Variants in TRIM42 observed in about 807,000 individuals in gnomAD.
TRIM42 encodes the protein tripartite motif containing 42.
In TRIM42, 59 loss-of-function variants were observed where a neutral mutation model predicts 64.9. The observed-to-expected ratio is 0.91, with a 90% confidence interval of 0.74 to 1.13. The LOEUF (loss-of-function observed/expected upper bound fraction) is 1.13. TRIM42 is among the 50% of genes most tolerant of loss of function. The pLI, the probability that TRIM42 is intolerant of heterozygous loss-of-function variation, is 0.00. For synonymous variants in TRIM42, 354 were observed against 346.3 expected, an observed-to-expected ratio of 1.02 and a Z score of -0.25; for missense variants, 878 against 929.5, an observed-to-expected ratio of 0.94 and a Z score of 0.72.
intron 1 of TRIM42, among the ~76,000 whole-genome samples, chr3:140,678,971 A>G (rs576127134): frequency 1.7e-3 from 259 of 152,320 alleles, no homozygotes; most frequent in Non-Finnish European, 3.2e-3. Flanking sequence ...AGGATCACAC[A>G]GCTGGAAAGA....
chr3:140,687,744 C>T lies in TRIM42; in HGVS notation c.1062C>T (p.Asp354=). Residue 354 remains aspartate (D), a synonymous_variant, in exon 3 of 5, where the codon GAC becomes GAT. Transcript: ENST00000286349. ...CAGTCCGATATGAAATTGATAATGA[C>T]CTAATGGAATTCAACATCTTAAAAA... The part of the protein sequence containing the change: ...FKAVRYEIDN[D]LMEFNILKNS... 6.2e-7 allele frequency: 1 copy of T among 1,612,208 alleles called. No homozygotes were observed. The highest frequency in any genetic ancestry group is 8.5e-7 in the Non-Finnish European group (1 of 1,179,422).
intron 3 of TRIM42, among the ~76,000 whole-genome samples, chr3:140,689,916 G>C (rs1449378877): frequency 1.3e-5 from 2 of 151,830 alleles, no homozygotes; most frequent in East Asian, 3.9e-4. Context: ...AGGATTGCTA[G>C]TATCTGCTCT....
chr3:140,680,624 C>T (rs984900397), intron 1 of TRIM42: 8 of 962,800 alleles, frequency 8.3e-6, no homozygotes, highest in Non-Finnish European at 9.9e-6. Flanking sequence ...TAAAGTCCAT[C>T]CAGGCACTAC....
intron 4 of TRIM42, among the ~76,000 whole-genome samples, chr3:140,693,067 T>C (rs1009117919): frequency 1.4e-4 from 21 of 152,224 alleles, no homozygotes. Context: ...ACCACAGCAC[T>C]TTGCATATAG....
intron 4 of TRIM42, among the ~76,000 whole-genome samples, chr3:140,692,562 C>CACACACACACACACAGAG (rs375439126): frequency 8.3e-4 from 95 of 114,184 alleles, no homozygotes; most frequent in African/African-American, 1.6e-3. Flanking sequence ...CACACACACA[C>CACACACACACACACAGAG]AGAGAGAGAT....
chr3:140,682,492 C>A lies in TRIM42; in HGVS notation c.372C>A (p.Ser124Arg). ...SSKTALRTGSSDTQVDEVKSI... is the reference protein window; with the variant it reads ...SSKTALRTGSRDTQVDEVKSI... Reference sequence around the variant, plus strand: ...AGACTGCCCTGCGCACTGGGAGCAGCGATACCCAGGTGGATGAAGTAAAGT... The same window carrying A: ...AGACTGCCCTGCGCACTGGGAGCAGAGATACCCAGGTGGATGAAGTAAAGT... The change falls in exon 2 of 5, where the codon AGC becomes AGA. Residue 124 changes from serine (S) to arginine (R), a missense_variant. Physicochemically the swap from Ser to Arg is moderately radical, Grantham distance 110 (BLOSUM62 -1). Coordinates refer to ENST00000286349, the MANE Select transcript of TRIM42 (RefSeq NM_152616.5). 5.0e-6 allele frequency: 8 copies of A among 1,614,044 alleles called. No homozygotes were observed. The highest frequency in any genetic ancestry group is 6.8e-6 in the Non-Finnish European group (8 of 1,179,954).
At chr3:140,695,074 G>C (rs1988814373) in intron 4 of TRIM42, among the ~76,000 whole-genome samples, 1 of 151,842 alleles carries the variant, frequency 6.6e-6, no homozygotes, top group South Asian at 2.1e-4. Context: ...GCAAAATCCT[G>C]TCTCTACTAA....
At chr3:140,694,091 C>T (rs563984571) in intron 4 of TRIM42, among the ~76,000 whole-genome samples, 3 of 152,330 alleles carry the variant, frequency 2.0e-5, no homozygotes, top group Non-Finnish European at 4.4e-5. Context: ...TTCCCCTGCA[C>T]CATGCTCAAA....
At chr3:140,679,232 A>G (rs770608166) in intron 1 of TRIM42, among the ~76,000 whole-genome samples, 37 of 152,190 alleles carry the variant, frequency 2.4e-4, no homozygotes, top group Non-Finnish European at 2.8e-4. Flanking sequence ...TAAATACCCC[A>G]TACATCCATG....
chr3:140,688,442 G>C lies in TRIM42; in HGVS notation c.1760G>C (p.Ser587Thr). 6.2e-7 allele frequency: 1 copy of C among 1,613,950 alleles called. No individual in the cohort carries two copies. The highest frequency in any genetic ancestry group is 8.5e-7 in the Non-Finnish European group (1 of 1,179,820). The stretch of plus-strand genomic sequence containing the variant: ...GCAGACAGCCAGTCTGTACAGAACA[G>C]CAGCAGCTTCCACAACTGGTACTCA... Reference protein sequence around the residue: ...AGADSQSVQNSSSFHNWYSFN... With the variant: ...AGADSQSVQNTSSFHNWYSFN... Residue 587 changes from serine to threonine, a missense_variant, in exon 3 of 5, where the codon AGC (serine) becomes ACC (threonine). Ser to Thr is a moderately conservative substitution (Grantham distance 58, BLOSUM62 1). Transcript: ENST00000286349.
At chr3:140,688,617 G>A (rs1157865147) in intron 3 of TRIM42, 75 bp downstream of exon 3, 1 of 1,232,428 alleles carries the variant, frequency 8.1e-7, no homozygotes, top group Non-Finnish European at 1.1e-6. Context: ...GTCAGGAAAG[G>A]TTGCACTTAC....
At position 140,678,491 on chromosome 3, in the gene TRIM42, T is replaced by C; in HGVS notation, c.262T>C (p.Cys88Arg). 1 of 1,614,198 alleles carries C rather than the reference T, an allele frequency of 6.2e-7. No individual in the cohort carries two copies. Among genetic ancestry groups the C allele is most frequent in the Non-Finnish European group, 8.5e-7 (1 of 1,180,018 alleles). ...CTGCACAGCCAGCAGCAATCTCAAC[T>C]GCTACTACTATGAGAGCCGCTGCTG... is the stretch of plus-strand genomic sequence containing the variant. ...CCCTASSNLN[C>R]YYYESRCCRN... Residue 88 changes from cysteine to arginine, a missense_variant, in exon 1 of 5, where the codon TGC (cysteine) becomes CGC (arginine). Transcript: ENST00000286349.
chr3:140,694,269 G>A (rs1019001235), intron 4 of TRIM42, among the ~76,000 whole-genome samples: 1 of 152,242 alleles, frequency 6.6e-6, no homozygotes, highest in Non-Finnish European at 1.5e-5. Flanking sequence ...CTGGATTCAA[G>A]TCCCAACTCC....
chr3:140,700,678 A>T (rs1540717), intron 4 of TRIM42, among the ~76,000 whole-genome samples: 5,231 of 152,306 alleles, frequency 0.034, 137 homozygotes, highest in East Asian at 0.11. Flanking sequence ...TGGAATCACA[A>T]TCCCAGGACA....
chr3:140,680,598 A>G, intron 1 of TRIM42: 1 of 845,894 alleles, frequency 1.2e-6, no homozygotes, highest in Non-Finnish European at 1.4e-6. Flanking sequence ...TCCAGGCCTT[A>G]CTTTTTTAAG....
rs1218365774 is a variant in TRIM42 at position 140,691,024 on chromosome 3, A to G, written c.1917A>G (p.Glu639=). 24 of 1,613,974 alleles carry G rather than the reference A, an allele frequency of 1.5e-5. No individual in the cohort carries two copies. The highest frequency in any genetic ancestry group is 2.0e-5 in the Non-Finnish European group (24 of 1,179,988). ...ACTCTTTTGAGATGGAATTCTATGA[A>G]GTCATTACTTCTCCTCCTAACAACG... ...DVDSFEMEFY[E]VITSPPNNVQ... The change falls in exon 4 of 5, where the codon GAA becomes GAG. Residue 639 remains glutamate (E), a synonymous_variant. Coordinates refer to ENST00000286349, the MANE Select transcript of TRIM42 (RefSeq NM_152616.5).
At chr3:140,690,847 C>A in intron 3 of TRIM42, 121 bp from the exon 4 acceptor site, 1 of 731,106 alleles carries the variant, frequency 1.4e-6, no homozygotes, top group Non-Finnish European at 2.3e-6. Flanking sequence ...TCTTCGGTAG[C>A]TACAGGGGAT....
rs564406314 is a variant in TRIM42 at position 140,678,433 on chromosome 3, C to G, written c.204C>G (p.Cys68Trp). 59 of 1,614,212 alleles carry G rather than the reference C, an allele frequency of 3.7e-5. 2 individuals are homozygous for G. In the South Asian group the frequency reaches 5.9e-4, roughly 16 times the overall value. The change falls in exon 1 of 5, where the codon TGC becomes TGG. Residue 68 changes from cysteine (C) to tryptophan (W), a missense_variant. Transcript: ENST00000286349. ...GCCCCAACTGCCATTGGTGTTGCTG[C>G]TCTTGGGCCAATGATCCCAACTGTA... ...SESPNCHWCC[C>W]SWANDPNCKC... is the part of the protein sequence containing the mutation.
intron 1 of TRIM42, chr3:140,680,545 T>G (rs966698555): frequency 1.5e-5 from 4 of 273,570 alleles, no homozygotes; most frequent in Non-Finnish European, 2.2e-5. Context: ...ATACCTCCTG[T>G]GAAGGCCTCA....
Sources: gnomAD v4.1 joint callset for allele counts (sites outside exome capture counted in the v4.1 genomes callset) on GRCh38, gnomAD v4.1.1 for gene constraint, MANE v1.5 for transcripts, NCBI Gene and HGNC (gene_info 2026-07-23, HGNC 2026-07-21) for gene names.